Variants in PDE6A observed in about 807,000 individuals in gnomAD.
The protein encoded by PDE6A is phosphodiesterase 6A, also known as rod cGMP-specific 3',5'-cyclic phosphodiesterase subunit alpha.
A neutral mutation model predicts 106.3 loss-of-function variants in PDE6A; 84 were observed. That is an observed-to-expected ratio of 0.79 (90% CI 0.66 to 0.95). PDE6A has a LOEUF of 0.95. PDE6A is among the 40% of genes least tolerant of loss of function. The pLI, the probability that PDE6A is intolerant of heterozygous loss-of-function variation, is 0.00. For missense variants in PDE6A, 1,052 were observed against 1,084.9 expected, an observed-to-expected ratio of 0.97 and a Z score of 0.43; for synonymous variants, 394 against 386.6, an observed-to-expected ratio of 1.02 and a Z score of -0.23.
rs573540501 is a variant in PDE6A, at chr5:149,921,712, A to G, written c.859-3T>C. The G allele has an allele frequency of 3.1e-6, 5 of 1,612,198 alleles. No homozygotes were observed. Among genetic ancestry groups the G allele is most frequent in the African/African-American group, 1.3e-5 (1 of 75,012 alleles). ...ACCGGCCACACATCAAAAAATTCCT[A>G]GGAATGAGAAAAACAATAATTACAT... On this transcript the variant is annotated splice_region_variant and splice_polypyrimidine_tract_variant and intron_variant, in intron 4 of 21. Coordinates refer to ENST00000255266, the MANE Select transcript of PDE6A (RefSeq NM_000440.3).
chr5:149,934,469 GA>G, intron 2 of PDE6A, 96 bp downstream of exon 2: 2 of 1,217,248 alleles, frequency 1.6e-6, no homozygotes, highest in Non-Finnish European at 1.2e-6. Flanking sequence ...TTACAGATGG[GA>G]AAACTGAGGC....
intron 1 of PDE6A, among the ~76,000 whole-genome samples, chr5:149,936,196 A>AGGAAGGAAGGAAGGAAGGAAGGAAGGAT: frequency 6.6e-6 from 1 of 151,942 alleles, no homozygotes; most frequent in African/African-American, 2.4e-5. Flanking sequence ...GAAGGAAGGA[A>AGGAAGGAAGGAAGGAAGGAAGGAAGGAT]GGAAGGAATT....
chr5:149,876,784 T>C (rs1192672973), intron 17 of PDE6A, among the ~76,000 whole-genome samples: 1 of 152,158 alleles, frequency 6.6e-6, no homozygotes, highest in Non-Finnish European at 1.5e-5. Flanking sequence ...CCAGTTCCTA[T>C]TTTTAAATTT....
chr5:149,875,380 T>A (rs1249043545), intron 17 of PDE6A, among the ~76,000 whole-genome samples: 1 of 152,170 alleles, frequency 6.6e-6, no homozygotes, highest in Non-Finnish European at 1.5e-5. Context: ...ACCTAAAGAA[T>A]TTTGAAAAGT....
At position 149,896,885 on chromosome 5, in the gene PDE6A, C is replaced by G. The variant is rs1380983401; in HGVS notation, c.1408-109G>C. Reference sequence around the variant, plus strand: ...AAAGTCCTTGCAACAGAACCACCAGCTCAAAGAGGATTCCATTTAACATCC... The same window carrying G: ...AAAGTCCTTGCAACAGAACCACCAGGTCAAAGAGGATTCCATTTAACATCC... On this transcript the variant is annotated intron_variant, in intron 10 of 21. Coordinates refer to ENST00000255266, the MANE Select transcript of PDE6A (RefSeq NM_000440.3). 4 of 1,196,556 alleles carry G rather than the reference C, an allele frequency of 3.3e-6. No individual in the cohort carries two copies. The African/African-American group carries it at 4.5e-5, about 13-fold the overall frequency. The allele number at this position is 1,196,556 out of a possible 1,614,324, so 74.1% of individuals were successfully genotyped here. A position where few individuals can be genotyped will look rare whatever the true frequency, so the allele number is the denominator to read the frequency against.
At chr5:149,870,796 T>C (rs545688272) in intron 17 of PDE6A, among the ~76,000 whole-genome samples, 29 of 124,660 alleles carry the variant, frequency 2.3e-4, no homozygotes, top group Admixed American at 1.7e-3. Flanking sequence ...AAAAAAACTG[T>C]CATCACAATA....
At chr5:149,888,187 T>G (rs1198819905) in intron 13 of PDE6A, among the ~76,000 whole-genome samples, 3 of 152,158 alleles carry the variant, frequency 2.0e-5, no homozygotes, top group Non-Finnish European at 4.4e-5. Context: ...TTGCCTCCTC[T>G]ACAATTTCTT....
intron 1 of PDE6A, chr5:149,940,029 T>G (rs2113668086): frequency 6.6e-6 from 1 of 152,270 alleles, no homozygotes; most frequent in East Asian, 1.9e-4. Context: ...TTTTTTCTTT[T>G]TTTAGGCTAG....
intron 4 of PDE6A, among the ~76,000 whole-genome samples, chr5:149,925,790 T>C (rs1223727816): frequency 6.7e-6 from 1 of 149,544 alleles, no homozygotes; most frequent in Non-Finnish European, 1.5e-5. Flanking sequence ...AACGAAATGA[T>C]GAAAAACACA....
At chr5:149,931,206 T>C (rs371993932) in intron 3 of PDE6A, 38 bp from the exon 4 acceptor site, 308 of 1,606,742 alleles carry the variant, frequency 1.9e-4, no homozygotes, top group Non-Finnish European at 2.4e-4. Flanking sequence ...GGTTTTGAGG[T>C]GCAAAGTAGT....
At chr5:149,931,876 G>C in intron 3 of PDE6A, 1 of 623,910 alleles carries the variant, frequency 1.6e-6, no homozygotes, top group Non-Finnish European at 2.8e-6. Flanking sequence ...TACCTCCAGA[G>C]TTTCTGGAAG....
intron 17 of PDE6A, among the ~76,000 whole-genome samples, chr5:149,868,792 C>T (rs980869692): frequency 3.9e-5 from 6 of 152,146 alleles, no homozygotes; most frequent in African/African-American, 1.4e-4. Flanking sequence ...CTAAGATTTG[C>T]TCTCCTACCT....
Position 149,859,771 on chromosome 5 carries a change from A to T in PDE6A, c.*1124T>A, listed in dbSNP as rs1368853609. ...AAGCTTGGGGTCTGTGCAGCCCATC[A>T]AAGCATAGATCACAGCTGGGTATTA... On this transcript the variant is annotated 3_prime_UTR_variant, in exon 22 of 22. Transcript: ENST00000255266. 6.6e-6 allele frequency: 1 copy of T among 152,308 alleles called. No individual in the cohort carries two copies. The highest frequency in any genetic ancestry group is 1.5e-5 in the Non-Finnish European group (1 of 68,100). The allele number at this position is 152,308 out of a possible 1,614,324, so 9.4% of individuals were successfully genotyped here.
chr5:149,886,204 A>G lies in PDE6A; in HGVS notation c.1838+61T>C. ...CTGTTGGCCAGTGAGTCTGCCTGGG[A>G]GCCACACAGAGCTGGATAATGAATC... is the stretch of plus-strand genomic sequence containing the variant. On this transcript the variant is annotated intron_variant, in intron 14 of 21. Transcript: ENST00000255266. The G allele has an allele frequency of 3.3e-6, 4 of 1,229,188 alleles. No homozygotes were observed. In the South Asian group the frequency reaches 3.6e-5, roughly 11 times the overall value. The allele number at this position is 1,229,188 out of a possible 1,614,324, so 76.1% of individuals were successfully genotyped here. A position where few individuals can be genotyped will look rare whatever the true frequency, so the allele number is the denominator to read the frequency against.
rs72830302 is a variant in PDE6A at position 149,930,238 on chromosome 5, C to T, written c.858+790G>A. ...AAGTTTGGGAGCCTCTGGACTATAT[C>T]CAAGGGCTTTTCCAACCCCAGATTC... On this transcript the variant is annotated intron_variant, in intron 4 of 21. Coordinates refer to ENST00000255266, the MANE Select transcript of PDE6A (RefSeq NM_000440.3). 5.2e-3 allele frequency among the ~76,000 whole-genome samples: 792 copies of T among 152,300 alleles called. 5 individuals are homozygous for T. Among genetic ancestry groups the T allele is most frequent in the Non-Finnish European group, 6.8e-3 (462 of 68,036 alleles).
At chr5:149,899,880 T>C (rs1752903652) in intron 8 of PDE6A, among the ~76,000 whole-genome samples, 1 of 152,186 alleles carries the variant, frequency 6.6e-6, no homozygotes, top group Non-Finnish European at 1.5e-5. Flanking sequence ...GGCAATGCTA[T>C]GATTCTTGTA....
intron 19 of PDE6A, 36 bp from the exon 20 acceptor site, chr5:149,866,289 A>G (rs779881023): frequency 6.9e-7 from 1 of 1,452,424 alleles, no homozygotes; most frequent in Admixed American, 1.7e-5. Flanking sequence ...TGCACTGGAC[A>G]GTAAGAGAAA....
rs1260308618 is a variant in PDE6A at position 149,860,899 on chromosome 5, T to C, written c.2579A>G (p.Gln860Arg). ...GATTSKSCCI[Q>R] ...GCCAGCACATCCCCAGTGGTGTTACTGGATGCAGCAGGACTTGGATGTAGT... is the reference window on the plus strand; with the variant it reads ...GCCAGCACATCCCCAGTGGTGTTACCGGATGCAGCAGGACTTGGATGTAGT... The change falls in exon 22 of 22, where the codon CAG becomes CGG. Residue 860 changes from glutamine to arginine, a missense_variant. Physicochemically the swap from Gln to Arg is conservative, Grantham distance 43. Coordinates refer to ENST00000255266, the MANE Select transcript of PDE6A (RefSeq NM_000440.3). 6.2e-7 allele frequency: 1 copy of C among 1,613,982 alleles called. No homozygotes were observed. The highest frequency in any genetic ancestry group is 8.5e-7 in the Non-Finnish European group (1 of 1,179,828).
At chr5:149,872,022 T>C (rs9885044) in intron 17 of PDE6A, among the ~76,000 whole-genome samples, 14,165 of 152,194 alleles carry the variant, frequency 0.093, 1,651 homozygotes, top group African/African-American at 0.28. Context: ...AGCAAGAGTA[T>C]GCCACAAAAA....
Sources: allele counts gnomAD v4.1 joint callset (sites outside exome capture counted in the v4.1 genomes callset), GRCh38; gene constraint gnomAD v4.1.1; transcripts MANE v1.5; gene names NCBI Gene and HGNC (gene_info 2026-07-23, HGNC 2026-07-21).